TRPC7: variants seen among roughly 807,000 people sequenced by gnomAD.
The protein encoded by TRPC7 is short transient receptor potential channel 7.
TRPC7 carries 42 observed loss-of-function variants against 90.1 expected under a neutral mutation model. The observed-to-expected ratio is 0.47, with a 90% CI of 0.36 to 0.60. The LOEUF (loss-of-function observed/expected upper bound fraction) is 0.60. TRPC7 is among the 20% of genes least tolerant of loss of function. The pLI is 0.00. For missense variants in TRPC7, 955 were observed against 1,112.3 expected (o/e 0.86, Z 2.01); for synonymous variants, 451 against 436.3 (o/e 1.03, Z -0.42).
At chr5:136,292,714 T>A (rs1454353028) in intron 3 of TRPC7, among the ~76,000 whole-genome samples, 1 of 152,052 alleles carries the variant, frequency 6.6e-6, no homozygotes, top group Non-Finnish European at 1.5e-5. Context: ...CTACCAGAGG[T>A]ACAAGGAGGA....
intron 1 of TRPC7, among the ~76,000 whole-genome samples, chr5:136,357,963 C>A (rs1320183934): frequency 6.6e-6 from 1 of 152,160 alleles, no homozygotes; most frequent in East Asian, 1.9e-4. Flanking sequence ...AATATGGCTG[C>A]CTTCGGTTCA....
intron 5 of TRPC7, among the ~76,000 whole-genome samples, chr5:136,260,273 A>G (rs187115274): frequency 2.6e-5 from 4 of 152,240 alleles, no homozygotes; most frequent in Non-Finnish European, 4.4e-5. Context: ...TGAGACAGGC[A>G]GGAAACAAAA....
At chr5:136,354,277 G>A (rs184522067) in intron 2 of TRPC7, among the ~76,000 whole-genome samples, 1 of 152,206 alleles carries the variant, frequency 6.6e-6, no homozygotes, top group Admixed American at 6.5e-5. Context: ...CAAAAAAGAG[G>A]CTATATTCCT....
At chr5:136,279,558 G>A (rs921469749) in intron 3 of TRPC7, among the ~76,000 whole-genome samples, 19 of 152,116 alleles carry the variant, frequency 1.2e-4, no homozygotes, top group Admixed American at 3.9e-4. Flanking sequence ...ATGTTGTCAT[G>A]GCCAGAGTCC....
chr5:136,310,377 A>G (rs775219196), intron 3 of TRPC7, among the ~76,000 whole-genome samples: 1 of 152,174 alleles, frequency 6.6e-6, no homozygotes, highest in Non-Finnish European at 1.5e-5. Flanking sequence ...GGAACTATGT[A>G]AGTGAGGGAG....
intron 3 of TRPC7, chr5:136,314,306 C>G (rs1188063575): frequency 6.6e-6 from 1 of 152,204 alleles, no homozygotes; most frequent in East Asian, 1.9e-4. Flanking sequence ...GAAAGGATAT[C>G]TCAGCAGCTT....
At chr5:136,225,710 A>G (rs1458028953) in intron 9 of TRPC7, among the ~76,000 whole-genome samples, 1 of 152,104 alleles carries the variant, frequency 6.6e-6, no homozygotes, top group Non-Finnish European at 1.5e-5. Context: ...TTTTCCAGAT[A>G]CTTTCTGAGA....
chr5:136,265,137 T>G (rs1756982279), intron 5 of TRPC7, among the ~76,000 whole-genome samples: 1 of 152,200 alleles, frequency 6.6e-6, no homozygotes, highest in Non-Finnish European at 1.5e-5. Context: ...AAGTATTTGT[T>G]CTACTGTGAT....
At chr5:136,361,448 C>G (rs1331646675) in intron 1 of TRPC7, among the ~76,000 whole-genome samples, 1 of 152,122 alleles carries the variant, frequency 6.6e-6, no homozygotes, top group East Asian at 1.9e-4. Flanking sequence ...GCTGCTCTTA[C>G]AGATGCATCA....
At chr5:136,215,658 TA>T (rs1223990036) in intron 11 of TRPC7, among the ~76,000 whole-genome samples, 1 of 151,746 alleles carries the variant, frequency 6.6e-6, no homozygotes, top group South Asian at 2.1e-4. Context: ...CCATCTCTAC[TA>T]AAAAAATACA....
rs574338441 is a variant in TRPC7, at chr5:136,213,704, G to C, written c.2420-100C>G. On this transcript the variant is annotated intron_variant, in intron 11 of 11. Transcript: ENST00000513104. ...TGTGCATCCTTCCAGTGGAATGTCG[G>C]GTCCTGGGCCAGCCCACCAGGGTTG... is the stretch of plus-strand genomic sequence containing the variant. The C allele has an allele frequency of 9.6e-6, 13 of 1,361,154 alleles. No homozygotes were observed. The East Asian group carries it at 2.5e-4, about 27-fold the overall frequency. The allele number at this position is 1,361,154 out of a possible 1,614,324, so 84.3% of individuals were successfully genotyped here.
chr5:136,365,498 G>C lies in TRPC7; in HGVS notation c.-244C>G, dbSNP rs1188924101. On this transcript the variant is annotated 5_prime_UTR_variant, in exon 1 of 12. Coordinates refer to ENST00000513104, the MANE Select transcript of TRPC7 (RefSeq NM_020389.3). ...CGTGTTACCGTCCTTTTCCTAATCG[G>C]GGGGAAATTTCCCAGAGAACATGAC... 23 of 567,396 alleles carry C rather than the reference G, an allele frequency of 4.1e-5. No individual in the cohort carries two copies. Among genetic ancestry groups the C allele is most frequent in the Non-Finnish European group, 5.0e-5 (16 of 319,150 alleles). 35.1% of individuals were successfully genotyped at this position (567,396 alleles called of 1,614,324 possible). A position where few individuals can be genotyped will look rare whatever the true frequency, so the allele number is the denominator to read the frequency against.
chr5:136,216,063 G>A (rs1755256635), intron 11 of TRPC7, 137 bp downstream of exon 11: 7 of 695,158 alleles, frequency 1.0e-5, no homozygotes, highest in African/African-American at 1.8e-5. Flanking sequence ...ACAACTGAAT[G>A]AGCAAGGAGA....
At chr5:136,245,292 T>C (rs1346799588) in intron 7 of TRPC7, among the ~76,000 whole-genome samples, 1 of 152,236 alleles carries the variant, frequency 6.6e-6, no homozygotes, top group Non-Finnish European at 1.5e-5. Flanking sequence ...CCTATTCTCT[T>C]GACACACAAA....
chr5:136,263,783 A>G (rs1756939161), intron 5 of TRPC7, among the ~76,000 whole-genome samples: 1 of 152,236 alleles, frequency 6.6e-6, no homozygotes, highest in Admixed American at 6.5e-5. Flanking sequence ...TTTCAGTGAT[A>G]TACACAAAAA....
At chr5:136,340,197 G>A (rs189898494) in intron 2 of TRPC7, among the ~76,000 whole-genome samples, 145 of 152,266 alleles carry the variant, frequency 9.5e-4, no homozygotes, top group African/African-American at 3.4e-3. Context: ...GAAGAATTAT[G>A]ATAAGTGAAA....
At chr5:136,281,720 A>G (rs937457418) in intron 3 of TRPC7, among the ~76,000 whole-genome samples, 2 of 152,134 alleles carry the variant, frequency 1.3e-5, no homozygotes, top group Non-Finnish European at 2.9e-5. Flanking sequence ...TTAGGTCTCA[A>G]TTTCTCTACT....
rs192855479 is a variant in TRPC7 at position 136,214,913 on chromosome 5, T to C, written c.2419+1287A>G. On this transcript the variant is annotated intron_variant, in intron 11 of 11. Transcript: ENST00000513104. Reference sequence around the variant, plus strand: ...AATTACCTGGCATAAAGTAATTTGCTTTTCATCTAAGAGTAACTGCTTAAA... The same window carrying C: ...AATTACCTGGCATAAAGTAATTTGCCTTTCATCTAAGAGTAACTGCTTAAA... Among the ~76,000 whole-genome samples the C allele has an allele frequency of 1.5e-4, 23 of 152,304 alleles. No individual in the cohort carries two copies. The Middle Eastern group carries it at 0.014, about 90-fold the overall frequency.
chr5:136,321,671 C>T (rs536274569), intron 2 of TRPC7, among the ~76,000 whole-genome samples: 3 of 152,090 alleles, frequency 2.0e-5, no homozygotes, highest in South Asian at 2.1e-4. Context: ...TTATAATTAC[C>T]GGAGTGGGAG....
Sources: allele counts gnomAD v4.1 joint callset (sites outside exome capture counted in the v4.1 genomes callset), GRCh38; gene constraint gnomAD v4.1.1; transcripts MANE v1.5; gene names NCBI Gene and HGNC (gene_info 2026-07-23, HGNC 2026-07-21).